TPO: variants seen among roughly 807,000 people sequenced by gnomAD.
TPO encodes the protein thyroid microsomal antigen.
Under a neutral mutation model 96.9 loss-of-function variants are expected in TPO, and 78 were observed. The observed-to-expected ratio is 0.81, with a 90% CI of 0.67 to 0.97. TPO has a LOEUF of 0.97. Ranked by LOEUF, TPO falls within the 50% of genes least tolerant of loss-of-function variation. TPO has a pLI of 0.00. For synonymous variants in TPO, 547 were observed against 538.0 expected (o/e 1.02, Z -0.23); for missense variants, 1,252 against 1,274.8 (o/e 0.98, Z 0.27).
intron 5 of TPO, among the ~76,000 whole-genome samples, chr2:1,437,184 G>A (rs1162777437): frequency 2.0e-5 from 3 of 152,248 alleles, no homozygotes; most frequent in Admixed American, 2.0e-4. Flanking sequence ...GCCGGAAAGA[G>A]CAAGATGCGT....
At position 1,487,928 on chromosome 2, in the gene TPO, A is replaced by G; in HGVS notation, c.1705A>G (p.Asn569Asp). 6.2e-7 allele frequency: 1 copy of G among 1,614,170 alleles called. No homozygotes were observed. Among genetic ancestry groups the G allele is most frequent in the Non-Finnish European group, 8.5e-7 (1 of 1,180,042 alleles). Residue 569 changes from asparagine (N) to aspartate (D), a missense_variant, in exon 10 of 17, where the codon AAT becomes GAT. Physicochemically the swap from Asn to Asp is conservative, Grantham distance 23. Transcript: ENST00000329066. ...GACGGAAAGGCTCTTTGTGCTGTCC[A>G]ATTCCAGCACCTTGGATCTGGCGTC... ...ELTERLFVLS[N>D]SSTLDLASIN...
chr2:1,437,206 C>T (rs545091211), intron 5 of TPO, among the ~76,000 whole-genome samples: 101 of 152,304 alleles, frequency 6.6e-4, no homozygotes, highest in African/African-American at 1.9e-3. Context: ...TGGGCTGAAA[C>T]GTGCAGCCTT....
chr2:1,455,152 G>T (rs1162498111), intron 6 of TPO, among the ~76,000 whole-genome samples: 1 of 152,166 alleles, frequency 6.6e-6, no homozygotes, highest in Non-Finnish European at 1.5e-5. Context: ...TCAGGAGAGG[G>T]CCTCCAACTT....
chr2:1,529,303 TCCC>T (rs1677433682), intron 15 of TPO, among the ~76,000 whole-genome samples: 3 of 51,430 alleles, frequency 5.8e-5, no homozygotes, highest in African/African-American at 9.5e-5. Flanking sequence ...CCTCCCCAAA[TCCC>T]CCCACTGTGT....
At chr2:1,537,251 T>TCCC (rs1679957142) in intron 15 of TPO, among the ~76,000 whole-genome samples, 1 of 13,218 alleles carries the variant, frequency 7.6e-5, no homozygotes, top group Non-Finnish European at 1.4e-4. Flanking sequence ...TCGAACCACC[T>TCCC]CAAATCCCCC....
chr2:1,518,468 T>C (rs1674933143), intron 15 of TPO, among the ~76,000 whole-genome samples: 1 of 152,226 alleles, frequency 6.6e-6, no homozygotes, highest in South Asian at 2.1e-4. Flanking sequence ...GTACCTGCCA[T>C]CTGCTCTGCA....
intron 5 of TPO, 67 bp downstream of exon 5, chr2:1,436,451 T>G (rs1403150722): frequency 2.5e-6 from 4 of 1,608,032 alleles, no homozygotes; most frequent in Middle Eastern, 1.6e-4. Context: ...GATGCCATCA[T>G]GAAGGAACTT....
chr2:1,453,857 G>A, intron 6 of TPO, 34 bp downstream of exon 6: 1 of 1,613,390 alleles, frequency 6.2e-7, no homozygotes, highest in Non-Finnish European at 8.5e-7. Flanking sequence ...CCTGGACTAA[G>A]ATTGGGTCCT....
At position 1,524,310 on chromosome 2, in the gene TPO, T is replaced by C. The variant is rs371533832; in HGVS notation, c.2618+7328T>C. 2.3e-4 allele frequency among the ~76,000 whole-genome samples: 30 copies of C among 130,122 alleles called. 2 individuals are homozygous for C. Among genetic ancestry groups the C allele is most frequent in the African/African-American group, 8.2e-4 (27 of 32,876 alleles). The allele number at this position is 130,122 out of a possible 152,430, so 85.4% of individuals were successfully genotyped here. On this transcript the variant is annotated intron_variant, in intron 15 of 16. Coordinates refer to ENST00000329066, the MANE Select transcript of TPO (RefSeq NM_001206744.2). ...AACCTCCTCAAATCCCCACACTGTGTGCAACCACCCCAAATCCCCCTACTG... is the reference window on the plus strand; with the variant it reads ...AACCTCCTCAAATCCCCACACTGTGCGCAACCACCCCAAATCCCCCTACTG...
At chr2:1,435,407 C>A (rs1177569467) in intron 4 of TPO, among the ~76,000 whole-genome samples, 2 of 152,192 alleles carry the variant, frequency 1.3e-5, no homozygotes, top group Admixed American at 6.5e-5. Context: ...TCCCGTTGGA[C>A]TGTTAGTGAG....
chr2:1,390,190 C>T (rs952808954), intron 1 of TPO, among the ~76,000 whole-genome samples: 13 of 151,960 alleles, frequency 8.6e-5, no homozygotes, highest in African/African-American at 2.9e-4. Flanking sequence ...TCTGACAGGC[C>T]CCGGTGTGCA....
chr2:1,517,029 C>A, intron 15 of TPO, 47 bp downstream of exon 15: 1 of 1,589,624 alleles, frequency 6.3e-7, no homozygotes, highest in Non-Finnish European at 8.6e-7. Context: ...AAGCAATCTC[C>A]TTTCCTCTGG....
In TPO at chr2:1,438,949, CCT is replaced by C. The variant is rs1304781317; in HGVS notation, c.482+2566_482+2567del. 34 of 688,382 alleles carry C rather than the reference CCT, an allele frequency of 4.9e-5. No homozygotes were observed. In the African/African-American group the frequency reaches 5.8e-4, roughly 12 times the overall value. The allele number at this position is 688,382 out of a possible 1,614,324, so 42.6% of individuals were successfully genotyped here. A position where few individuals can be genotyped will look rare whatever the true frequency, so the allele number is the denominator to read the frequency against. ...TTTTCTCCAATGACGTCTACATCCA[CCT>C]GCAAAGCCTGCCCCTGGGTCCTGCA... On this transcript the variant is annotated intron_variant, in intron 5 of 16. Transcript: ENST00000329066.
intron 5 of TPO, among the ~76,000 whole-genome samples, chr2:1,448,056 G>A (rs753575890): frequency 2.6e-5 from 4 of 152,172 alleles, no homozygotes; most frequent in Non-Finnish European, 4.4e-5. Flanking sequence ...AGAGAGGCCG[G>A]CTTCAGCCCC....
chr2:1,445,793 C>G (rs10190227), intron 5 of TPO, among the ~76,000 whole-genome samples: 218 of 12,044 alleles, frequency 0.018, 22 homozygotes, highest in Non-Finnish European at 0.024. Flanking sequence ...GTATGAACCA[C>G]TCATTGCTGC....
chr2:1,444,311 C>T (rs931484287), intron 5 of TPO, among the ~76,000 whole-genome samples: 4 of 144,580 alleles, frequency 2.8e-5, no homozygotes, highest in African/African-American at 5.2e-5. Context: ...GGGGCAGGCT[C>T]GTTCTTGTTT....
At chr2:1,408,495 C>A (rs1443685271), upstream of TPO, among the ~76,000 whole-genome samples, 1 of 152,154 alleles carries the variant, frequency 6.6e-6, no homozygotes, top group African/African-American at 2.4e-5. Context: ...GCTGCCTAGG[C>A]AGGGTGGTAA....
chr2:1,468,371 C>A (rs1669096755), intron 7 of TPO, among the ~76,000 whole-genome samples: 1 of 152,036 alleles, frequency 6.6e-6, no homozygotes, highest in Non-Finnish European at 1.5e-5. Flanking sequence ...TTTAGAGCTC[C>A]TTTTAGCAGT....
intron 15 of TPO, among the ~76,000 whole-genome samples, chr2:1,524,098 TC>T (rs1675843457): frequency 1.5e-5 from 1 of 66,914 alleles, no homozygotes; most frequent in Non-Finnish European, 2.9e-5. Flanking sequence ...CTCACCAAAT[TC>T]CCCCCACTCC....
Sources: allele counts gnomAD v4.1 joint callset (sites outside exome capture counted in the v4.1 genomes callset), GRCh38; gene constraint gnomAD v4.1.1; transcripts MANE v1.5; gene names NCBI Gene and HGNC (gene_info 2026-07-23, HGNC 2026-07-21).